EYS: variants seen among roughly 807,000 people sequenced by gnomAD.
EYS encodes the protein EGF-like photoreceptor maintenance factor, also known as protein eyes shut homolog.
EYS carries 250 observed loss-of-function variants against 282.1 expected under a neutral mutation model. The ratio of observed to expected loss-of-function variants is 0.89; its 90% confidence interval spans 0.80 to 0.98. EYS has a LOEUF of 0.98. EYS is among the 50% of genes least tolerant of loss of function. EYS has a pLI of 0.00. For missense variants in EYS, 4,016 were observed against 3,709.0 expected, an observed-to-expected ratio of 1.08 and a Z score of -2.15; for synonymous variants, 1,355 against 1,282.9, an observed-to-expected ratio of 1.06 and a Z score of -1.20.
intron 14 of EYS, among the ~76,000 whole-genome samples, chr6:64,993,692 G>C (rs550024133): frequency 6.7e-6 from 1 of 150,112 alleles, no homozygotes; most frequent in East Asian, 2.0e-4. Context: ...TAACCTGCAC[G>C]TTGTGCACAT....
Position 65,652,023 on chromosome 6 carries a change from G to T in EYS, c.-447-12131C>A, listed in dbSNP as rs577318009. The stretch of plus-strand genomic sequence containing the variant: ...CACTTTGATGGTATTAGACACAATA[G>T]AAGCTCCATTTTTTTCTGATGTATG... On this transcript the variant is annotated intron_variant, in intron 1 of 42. Coordinates refer to ENST00000503581, the MANE Select transcript of EYS (RefSeq NM_001142800.2). Among the ~76,000 whole-genome samples, 23 of 151,876 alleles carry T rather than the reference G, an allele frequency of 1.5e-4. No individual in the cohort carries two copies. The South Asian group carries it at 4.0e-3, about 26-fold the overall frequency.
chr6:64,010,924 G>C (rs934960848), intron 33 of EYS, among the ~76,000 whole-genome samples: 5 of 152,080 alleles, frequency 3.3e-5, no homozygotes, highest in African/African-American at 1.2e-4. Context: ...CTAAAAGTCA[G>C]AATTCCAGAT....
intron 12 of EYS, among the ~76,000 whole-genome samples, chr6:65,225,926 A>G (rs192455784): frequency 3.3e-5 from 5 of 152,168 alleles, no homozygotes; most frequent in African/African-American, 1.2e-4. Context: ...ACCCACAAAT[A>G]TATTATATTC....
chr6:64,838,536 G>A (rs1372255393), intron 19 of EYS, among the ~76,000 whole-genome samples: 1 of 151,370 alleles, frequency 6.6e-6, no homozygotes, highest in Admixed American at 6.6e-5. Context: ...TTTTCATTTG[G>A]AAATTTAATG....
intron 31 of EYS, 29 bp downstream of exon 31, chr6:64,230,563 A>C (rs1239244453): frequency 1.0e-5 from 15 of 1,498,588 alleles, no homozygotes; most frequent in Non-Finnish European, 1.3e-5. Context: ...TTTAAAAAGA[A>C]ATACAAAAGG....
In EYS at chr6:65,532,451, T is replaced by C. The variant is rs151068751; in HGVS notation, c.-332-36458A>G. On this transcript the variant is annotated intron_variant, in intron 2 of 42. Transcript: ENST00000503581. ...AATTAATTATGTCTAATTCTTCTTG[T>C]TCTGACTTAGCCTTTCTTCAAGATT... Among the ~76,000 whole-genome samples, 66 of 152,306 alleles carry C rather than the reference T, an allele frequency of 4.3e-4. No individual in the cohort carries two copies. In the East Asian group the frequency reaches 0.013, roughly 29 times the overall value.
chr6:64,285,172 C>T (rs1768451805), intron 30 of EYS, among the ~76,000 whole-genome samples: 1 of 152,090 alleles, frequency 6.6e-6, no homozygotes, highest in Admixed American at 6.6e-5. Flanking sequence ...TTAACAACAC[C>T]AAAATCACCT....
At chr6:64,192,704 G>T (rs4521570) in intron 31 of EYS, among the ~76,000 whole-genome samples, 46,622 of 151,816 alleles carry the variant, frequency 0.31, 7,229 homozygotes, top group East Asian at 0.5. Flanking sequence ...AGACTTAAAC[G>T]TTAGACCTAA....
chr6:64,464,612 AC>A (rs1270490332), intron 26 of EYS, among the ~76,000 whole-genome samples: 1 of 152,086 alleles, frequency 6.6e-6, no homozygotes, highest in Non-Finnish European at 1.5e-5. Flanking sequence ...TACTAAATCA[AC>A]AAAAATTGGT....
chr6:64,759,856 A>T (rs930728193), intron 22 of EYS, among the ~76,000 whole-genome samples: 1 of 152,230 alleles, frequency 6.6e-6, no homozygotes. Flanking sequence ...ACAACATATT[A>T]CTGCTTATTA....
chr6:64,731,346 C>CA (rs754337788), intron 22 of EYS, among the ~76,000 whole-genome samples: 7 of 151,842 alleles, frequency 4.6e-5, no homozygotes, highest in Non-Finnish European at 1.0e-4. Context: ...AACAAAAAAA[C>CA]AAAAAACAAA....
chr6:64,360,968 C>T (rs1231616394), intron 29 of EYS, among the ~76,000 whole-genome samples: 2 of 151,698 alleles, frequency 1.3e-5, no homozygotes, highest in South Asian at 4.2e-4. Context: ...CCTTTTGCAG[C>T]AAAGGGACCC....
intron 22 of EYS, among the ~76,000 whole-genome samples, chr6:64,684,124 T>C (rs1412047546): frequency 6.6e-6 from 1 of 152,120 alleles, no homozygotes; most frequent in African/African-American, 2.4e-5. Flanking sequence ...AGAAAATATC[T>C]TAAAAGCAAT....
intron 28 of EYS, among the ~76,000 whole-genome samples, chr6:64,409,279 C>A (rs1403771138): frequency 6.6e-6 from 1 of 152,062 alleles, no homozygotes; most frequent in Non-Finnish European, 1.5e-5. Context: ...GTTTTTATAG[C>A]AGAACAATTT....
At position 64,591,108 on chromosome 6, in the gene EYS, A is replaced by G. The variant is rs911640628; in HGVS notation, c.4759T>C (p.Trp1587Arg). 7 of 1,551,324 alleles carry G rather than the reference A, an allele frequency of 4.5e-6. No individual in the cohort carries two copies. The highest frequency in any genetic ancestry group is 1.7e-4 in the Middle Eastern group (1 of 5,992). The change falls in exon 26 of 43, where the codon TGG (tryptophan) becomes CGG (arginine). Residue 1587 changes from tryptophan (W) to arginine (R), a missense_variant. Trp to Arg is a moderately radical substitution (Grantham distance 101). Transcript: ENST00000503581. ...CTGGCTAATATCGCTGAGTTCATCC[A>G]GAATGTCTCATAAAAGTGGGACTGT... The part of the protein sequence containing the change: ...SKQSHFYETF[W>R]MNSAILASWY...
intron 9 of EYS, among the ~76,000 whole-genome samples, chr6:65,344,906 C>CA (rs1402873173): frequency 6.6e-6 from 1 of 151,508 alleles, no homozygotes; most frequent in Non-Finnish European, 1.5e-5. Context: ...AGTAAACAAA[C>CA]AAAAAATATT....
intron 19 of EYS, among the ~76,000 whole-genome samples, chr6:64,858,486 T>C (rs1317033823): frequency 6.6e-6 from 1 of 152,144 alleles, no homozygotes; most frequent in Non-Finnish European, 1.5e-5. Context: ...TACCATGCTG[T>C]TTTTATTATA....
At chr6:65,051,148 T>G (rs16896173) in intron 13 of EYS, among the ~76,000 whole-genome samples, 5,425 of 151,666 alleles carry the variant, frequency 0.036, 324 homozygotes, top group African/African-American at 0.12. Flanking sequence ...CAATAATTTA[T>G]GACAAAGCCT....
rs534768025 is a variant in EYS, at chr6:64,304,624, C to T, written c.6191+2346G>A. Among the ~76,000 whole-genome samples, 36 of 98,796 alleles carry T rather than the reference C, an allele frequency of 3.6e-4. 9 individuals are homozygous for T. The highest frequency in any genetic ancestry group is 1.2e-3 in the African/African-American group (28 of 23,760). 64.8% of individuals were successfully genotyped at this position (98,796 alleles called of 152,430 possible). ...TTTCCAGGATAGACTATATGTTAGG[C>T]CACAAATTAAATCTCAATAGATGGA... On this transcript the variant is annotated intron_variant, in intron 30 of 42. Coordinates refer to ENST00000503581, the MANE Select transcript of EYS (RefSeq NM_001142800.2).
Sources: gnomAD v4.1 joint callset for allele counts (sites outside exome capture counted in the v4.1 genomes callset) on GRCh38, gnomAD v4.1.1 for gene constraint, MANE v1.5 for transcripts, NCBI Gene and HGNC (gene_info 2026-07-23, HGNC 2026-07-21) for gene names.